The following UNK variants were observed in gnomAD, a reference collection of about 807,000 sequenced individuals.
The protein encoded by UNK is RING finger protein unkempt homolog.
UNK carries 32 observed loss-of-function variants against 97.6 expected under a neutral mutation model. The ratio of observed to expected loss-of-function variants is 0.33; its 90% CI spans 0.25 to 0.44. The LOEUF (loss-of-function observed/expected upper bound fraction) is 0.44. Ranked by LOEUF, UNK falls within the 20% of genes least tolerant of loss-of-function variation. The pLI, the probability that UNK is intolerant of heterozygous loss-of-function variation, is 1.00. For synonymous variants in UNK, 441 were observed against 461.2 expected, an observed-to-expected ratio of 0.96 and a Z score of 0.56; for missense variants, 771 against 1,098.4, an observed-to-expected ratio of 0.70 and a Z score of 4.21.
At chr17:75,788,796 C>T (rs1166395102) in intron 1 of UNK, among the ~76,000 whole-genome samples, 1 of 152,058 alleles carries the variant, frequency 6.6e-6, no homozygotes, top group African/African-American at 2.4e-5. Context: ...AGGTGTGAGC[C>T]ACCTCACCTG....
Position 75,824,570 on chromosome 17 carries a change from A to G in UNK, c.*153A>G, listed in dbSNP as rs1173691139. The G allele has an allele frequency of 3.9e-5, 22 of 561,020 alleles. No individual in the cohort carries two copies. The highest frequency in any genetic ancestry group is 5.4e-5 in the Non-Finnish European group (22 of 410,448). 34.8% of individuals were successfully genotyped at this position (561,020 alleles called of 1,614,324 possible). A position where few individuals can be genotyped will look rare whatever the true frequency, so the allele number is the denominator to read the frequency against. The stretch of plus-strand genomic sequence containing the variant: ...TACATTTCCGTATGTATGTATATGT[A>G]TACATTTCCGTATGTGTGCAGGTAT... On this transcript the variant is annotated 3_prime_UTR_variant, in exon 16 of 16. Transcript: ENST00000589666. This position sits in a 1 kb window ranked among gnomAD's most constrained non-coding sequence, Gnocchi z 4.9.
intron 1 of UNK, among the ~76,000 whole-genome samples, chr17:75,797,305 G>A (rs528483492): frequency 1.3e-5 from 2 of 152,248 alleles, no homozygotes; most frequent in African/African-American, 4.8e-5. Flanking sequence ...GCGCAATCTC[G>A]GCTCACTACA....
chr17:75,810,736 A>C (rs555156938), intron 2 of UNK, among the ~76,000 whole-genome samples: 1 of 152,080 alleles, frequency 6.6e-6, no homozygotes, highest in African/African-American at 2.4e-5. Context: ...TCCTGGGTGC[A>C]AGTGATTTTC....
rs909707578 is a variant in UNK at position 75,824,770 on chromosome 17, G to A, written c.*353G>A. ...TCCCCTCTTCTCCCACTGGCCTTTT[G>A]GCAGAGAATCTGGTTCTGTCTCTTT... On this transcript the variant is annotated 3_prime_UTR_variant, in exon 16 of 16. Transcript: ENST00000589666. This position sits in a 1 kb window ranked among gnomAD's most constrained non-coding sequence, Gnocchi z 4.9. 4.6e-5 allele frequency: 7 copies of A among 153,220 alleles called. No individual in the cohort carries two copies. Among genetic ancestry groups the A allele is most frequent in the African/African-American group, 1.4e-4 (6 of 41,442 alleles). The allele number at this position is 153,220 out of a possible 1,614,324, so 9.5% of individuals were successfully genotyped here. A position where few individuals can be genotyped will look rare whatever the true frequency, so the allele number is the denominator to read the frequency against.
chr17:75,819,887 A>G lies in UNK; in HGVS notation c.1649-33A>G, dbSNP rs377376014. The G allele has an allele frequency of 3.1e-6, 5 of 1,601,228 alleles. No homozygotes were observed. The African/African-American group carries it at 6.7e-5, about 21-fold the overall frequency. On this transcript the variant is annotated intron_variant, in intron 12 of 15. Coordinates refer to ENST00000589666, the MANE Select transcript of UNK (RefSeq NM_001080419.3). The surrounding 1 kb of genome is among the most constrained non-coding windows in gnomAD (Gnocchi z 5.4). The stretch of plus-strand genomic sequence containing the variant: ...GGCCCGCCTGGCTTCCGCTGCCCTC[A>G]CCCAGCCCGTCCTCCCCGGGCCTCT...
intron 1 of UNK, among the ~76,000 whole-genome samples, chr17:75,799,178 G>T (rs1027620782): frequency 6.6e-6 from 1 of 152,160 alleles, no homozygotes; most frequent in African/African-American, 2.4e-5. Flanking sequence ...TGGGTGGGGT[G>T]GCAGGTGCCT....
rs770145251 is a variant in UNK at position 75,815,153 on chromosome 17, G to C, written c.877-16G>C. 6.2e-7 allele frequency: 1 copy of C among 1,610,810 alleles called. No homozygotes were observed. Among genetic ancestry groups the C allele is most frequent in the Non-Finnish European group, 8.5e-7 (1 of 1,178,564 alleles). On this transcript the variant is annotated splice_polypyrimidine_tract_variant and intron_variant, in intron 6 of 15. Transcript: ENST00000589666. ...CTCAGGGCCTGAGCCTGACTTGCCT[G>C]TGCTCTGCCCTCCAGATCTACAAGT...
intron 1 of UNK, among the ~76,000 whole-genome samples, chr17:75,791,028 T>C (rs1168294489): frequency 6.6e-6 from 1 of 152,210 alleles, no homozygotes; most frequent in African/African-American, 2.4e-5. Flanking sequence ...AGAGGAAGTA[T>C]ACCTCAAAGA....
In UNK at chr17:75,819,706, C is replaced by T; in HGVS notation, c.1569C>T (p.Asp523=). The change falls in exon 12 of 16, where the codon GAC becomes GAT. Residue 523 remains aspartate (D), a synonymous_variant. Coordinates refer to ENST00000589666, the MANE Select transcript of UNK (RefSeq NM_001080419.3). This position sits in a 1 kb window ranked among gnomAD's most constrained non-coding sequence, Gnocchi z 5.4. The part of the protein sequence containing the change: ...SVIESALDDL[D]LNEFGVAALE... ...TAGAGTCTGCTTTGGATGACCTGGA[C>T]CTGAATGAGTTTGGCGTGGCCGCCC... 1 of 1,613,856 alleles carries T rather than the reference C, an allele frequency of 6.2e-7. No homozygotes were observed. The highest frequency in any genetic ancestry group is 1.3e-5 in the African/African-American group (1 of 75,044).
At chr17:75,787,817 T>A (rs1211713311) in intron 1 of UNK, among the ~76,000 whole-genome samples, 1 of 147,608 alleles carries the variant, frequency 6.8e-6, no homozygotes, top group Non-Finnish European at 1.5e-5. Context: ...AGAGTGAGAC[T>A]CGGTCCAAAA....
intron 1 of UNK, among the ~76,000 whole-genome samples, chr17:75,787,507 C>A (rs925481195): frequency 7.2e-6 from 1 of 139,400 alleles, no homozygotes; most frequent in African/African-American, 2.6e-5. Flanking sequence ...CCACACCCAG[C>A]TTTTTTTTTT....
At chr17:75,808,425 C>T (rs1661179624) in intron 1 of UNK, among the ~76,000 whole-genome samples, 1 of 152,134 alleles carries the variant, frequency 6.6e-6, no homozygotes, top group South Asian at 2.1e-4. Context: ...TCACCTCATC[C>T]TCCTTTTCTC....
intron 2 of UNK, among the ~76,000 whole-genome samples, chr17:75,810,314 G>A (rs532394504): frequency 6.6e-6 from 1 of 152,346 alleles, no homozygotes; most frequent in Admixed American, 6.5e-5. Flanking sequence ...CGCCTCACTG[G>A]TGCCCAGGTT....
chr17:75,807,172 AC>A (rs1388960383), intron 1 of UNK, among the ~76,000 whole-genome samples: 22 of 152,200 alleles, frequency 1.4e-4, no homozygotes, highest in Non-Finnish European at 2.4e-4. Context: ...TTCATGAGGC[AC>A]TGACACCAGG....
rs1465886749 is a variant in UNK at position 75,813,747 on chromosome 17, C to T, written c.759-14C>T. 2 of 1,563,984 alleles carry T rather than the reference C, an allele frequency of 1.3e-6. No homozygotes were observed. The highest frequency in any genetic ancestry group is 1.9e-5 in the Admixed American group (1 of 52,704). ...TCTCCTTTCTCCATCTGACCCCACC[C>T]TCTTGTTGGCCAGGTCGTCTCCATG... On this transcript the variant is annotated splice_polypyrimidine_tract_variant and intron_variant, in intron 5 of 15. Transcript: ENST00000589666.
Position 75,812,593 on chromosome 17 carries a change from C to T in UNK, c.622+8C>T, listed in dbSNP as rs750396693. On this transcript the variant is annotated splice_region_variant and intron_variant, in intron 4 of 15. Transcript: ENST00000589666. ...AGGAGCCTCGGTGGCAAGGTACAGGCATCCACACCTCGGCCGCGCCCTCCC... is the reference window on the plus strand; with the variant it reads ...AGGAGCCTCGGTGGCAAGGTACAGGTATCCACACCTCGGCCGCGCCCTCCC... 1.2e-6 allele frequency: 2 copies of T among 1,612,044 alleles called. No individual in the cohort carries two copies. Among genetic ancestry groups the T allele is most frequent in the East Asian group, 2.2e-5 (1 of 44,866 alleles).
chr17:75,796,272 A>C (rs950695701), intron 1 of UNK, among the ~76,000 whole-genome samples: 25 of 151,860 alleles, frequency 1.6e-4, no homozygotes, highest in Non-Finnish European at 5.9e-5. Flanking sequence ...TTTGGAAGCC[A>C]CATCTCTATA....
intron 1 of UNK, among the ~76,000 whole-genome samples, chr17:75,806,981 C>T (rs1221802931): frequency 6.6e-6 from 1 of 152,172 alleles, no homozygotes; most frequent in East Asian, 1.9e-4. Flanking sequence ...CTGTGAGAGC[C>T]CTGCCAGCCA....
chr17:75,803,300 G>C (rs2061880479), intron 1 of UNK, among the ~76,000 whole-genome samples: 1 of 152,192 alleles, frequency 6.6e-6, no homozygotes, highest in East Asian at 1.9e-4. Flanking sequence ...CTACTTGGGA[G>C]CCTGAGGCAG....
Sources: allele counts gnomAD v4.1 joint callset (sites outside exome capture counted in the v4.1 genomes callset), GRCh38; gene constraint gnomAD v4.1.1; non-coding constraint Gnocchi (gnomAD v3.1); transcripts MANE v1.5; gene names NCBI Gene and HGNC (gene_info 2026-07-23, HGNC 2026-07-21).